RNF217: variants seen among roughly 807,000 people sequenced by gnomAD.
RNF217 encodes the protein ring finger protein 217, also known as E3 ubiquitin-protein ligase RNF217.
A neutral mutation model predicts 57.8 loss-of-function variants in RNF217; 31 were observed. The observed-to-expected ratio is 0.54, with a 90% confidence interval of 0.40 to 0.72. The LOEUF (loss-of-function observed/expected upper bound fraction) is 0.72. Ranked by LOEUF, RNF217 falls within the 30% of genes least tolerant of loss-of-function variation. RNF217 has a pLI of 0.00. For missense variants in RNF217, 696 were observed against 708.3 expected (o/e 0.98, Z 0.20); for synonymous variants, 313 against 294.0 (o/e 1.06, Z -0.66).
rs79052351 is a variant in RNF217 at position 125,009,987 on chromosome 6, T to C, written c.883-35224T>C. Reference sequence around the variant, plus strand: ...TGAATTGAAGACAGCTTAGCATTCTTTTTTTTTTTTTTTTACTAAATCTGA... The same window carrying C: ...TGAATTGAAGACAGCTTAGCATTCTCTTTTTTTTTTTTTTACTAAATCTGA... On this transcript the variant is annotated intron_variant, in intron 1 of 5. Transcript: ENST00000521654. 9.9e-4 allele frequency among the ~76,000 whole-genome samples: 25 copies of C among 25,246 alleles called. No homozygotes were observed. The African/African-American group carries it at 0.015, about 15-fold the overall frequency. 16.6% of individuals were successfully genotyped at this position (25,246 alleles called of 152,430 possible).
intron 5 of RNF217, chr6:125,082,561 A>C: frequency 1.2e-6 from 2 of 1,611,848 alleles, no homozygotes; most frequent in South Asian, 2.2e-5. Context: ...GCCTGAAACA[A>C]GTGTGAGTAT....
rs559458232 is a variant in RNF217, at chr6:125,048,929, C to T, written c.1116+3485C>T. Among the ~76,000 whole-genome samples the T allele has an allele frequency of 2.1e-4, 32 of 152,060 alleles. 1 individual carries two copies. In the East Asian group the frequency reaches 4.7e-3, roughly 22 times the overall value. ...CTATATCAAATAGAACAAGTGCATT[C>T]GTGAATTGAGAGATTTACATTCAGA... On this transcript the variant is annotated intron_variant, in intron 2 of 5. Coordinates refer to ENST00000521654, the MANE Select transcript of RNF217 (RefSeq NM_001286398.3).
chr6:125,023,381 T>G (rs1785923961), intron 1 of RNF217, among the ~76,000 whole-genome samples: 1 of 152,158 alleles, frequency 6.6e-6, no homozygotes. Context: ...CACAAGGGCA[T>G]TATTGAAGTA....
At chr6:124,977,128 C>T (rs552160019) in intron 1 of RNF217, among the ~76,000 whole-genome samples, 2 of 152,278 alleles carry the variant, frequency 1.3e-5, no homozygotes, top group Non-Finnish European at 2.9e-5. Flanking sequence ...AAATGAAGAG[C>T]TTCAGAGGGA....
rs1788698795 is a variant in RNF217, at chr6:125,084,167, T to G, written c.*1230T>G. Reference sequence around the variant, plus strand: ...ATACTAGTTTTGAAGGATTTTTTCTTACATTTAACTGCTCAAACATAATAT... The same window carrying G: ...ATACTAGTTTTGAAGGATTTTTTCTGACATTTAACTGCTCAAACATAATAT... On this transcript the variant is annotated 3_prime_UTR_variant, in exon 6 of 6. Coordinates refer to ENST00000521654, the MANE Select transcript of RNF217 (RefSeq NM_001286398.3). The G allele has an allele frequency of 6.6e-6, 1 of 152,022 alleles. No individual in the cohort carries two copies. Among genetic ancestry groups the G allele is most frequent in the African/African-American group, 2.4e-5 (1 of 41,436 alleles). 9.4% of individuals were successfully genotyped at this position (152,022 alleles called of 1,614,324 possible).
chr6:125,029,687 T>A (rs1786266292), intron 1 of RNF217, among the ~76,000 whole-genome samples: 1 of 152,210 alleles, frequency 6.6e-6, no homozygotes, highest in Admixed American at 6.5e-5. Context: ...GTGCATTTTT[T>A]AAAGTGTCAA....
chr6:125,025,330 A>G (rs775956154), intron 1 of RNF217, among the ~76,000 whole-genome samples: 1 of 152,204 alleles, frequency 6.6e-6, no homozygotes, highest in East Asian at 1.9e-4. Context: ...TGGACAGATG[A>G]TAAGGACTGG....
intron 1 of RNF217, among the ~76,000 whole-genome samples, chr6:125,013,687 T>C (rs1203184879): frequency 2.0e-5 from 3 of 152,124 alleles, no homozygotes; most frequent in South Asian, 2.1e-4. Flanking sequence ...AGAAAATGGA[T>C]ATATAATACC....
rs1788685716 is a variant in RNF217, at chr6:125,083,733, C to T, written c.*796C>T. The stretch of plus-strand genomic sequence containing the variant: ...ATGTAGACAACAGGCCATTTCGATA[C>T]TGAACTTTTCTATTTCTTGCTCTTT... On this transcript the variant is annotated 3_prime_UTR_variant, in exon 6 of 6. Coordinates refer to ENST00000521654, the MANE Select transcript of RNF217 (RefSeq NM_001286398.3). The T allele has an allele frequency of 6.6e-6, 1 of 151,996 alleles. No individual in the cohort carries two copies. The highest frequency in any genetic ancestry group is 2.4e-5 in the African/African-American group (1 of 41,418). The allele number at this position is 151,996 out of a possible 1,614,324, so 9.4% of individuals were successfully genotyped here.
At chr6:125,053,092 C>A (rs1787389328) in intron 2 of RNF217, among the ~76,000 whole-genome samples, 1 of 152,204 alleles carries the variant, frequency 6.6e-6, no homozygotes, top group South Asian at 2.1e-4. Flanking sequence ...CAAAGTGTTA[C>A]CTCATCACTT....
At chr6:125,018,510 G>T (rs555813522) in intron 1 of RNF217, among the ~76,000 whole-genome samples, 1 of 152,120 alleles carries the variant, frequency 6.6e-6, no homozygotes, top group African/African-American at 2.4e-5. Flanking sequence ...TATAAAACTT[G>T]AGCTTTAACT....
rs564024233 is a variant in RNF217, at chr6:125,077,347, T to C, written c.1483+489T>C. On this transcript the variant is annotated intron_variant, in intron 4 of 5. Transcript: ENST00000521654. ...GTCTATATAAGTGATAAGTTGCATA[T>C]ATTTTTCATTGTTTTAATTATTAAT... is the stretch of plus-strand genomic sequence containing the variant. 1.5e-3 allele frequency among the ~76,000 whole-genome samples: 227 copies of C among 152,328 alleles called. 1 individual carries two copies. Among genetic ancestry groups the C allele is most frequent in the African/African-American group, 5.2e-3 (217 of 41,584 alleles).
At chr6:125,061,734 T>A (rs932810244) in intron 3 of RNF217, among the ~76,000 whole-genome samples, 1 of 151,840 alleles carries the variant, frequency 6.6e-6, no homozygotes, top group Non-Finnish European at 1.5e-5. Context: ...CACAAGCACA[T>A]ATGTCGTATG....
chr6:124,976,697 G>T (rs1453717950), intron 1 of RNF217, among the ~76,000 whole-genome samples: 1 of 151,856 alleles, frequency 6.6e-6, no homozygotes, highest in African/African-American at 2.4e-5. Flanking sequence ...TAGAGATGGG[G>T]TTTCACCATG....
rs530900953 is a variant in RNF217 at position 125,037,976 on chromosome 6, C to T, written c.883-7235C>T. On this transcript the variant is annotated intron_variant, in intron 1 of 5. Coordinates refer to ENST00000521654, the MANE Select transcript of RNF217 (RefSeq NM_001286398.3). ...GAGGCCTGAGATTTGTACTTTTTCC[C>T]GTCCTTTTCTTTGGAGAGTTTAATT... 4.5e-4 allele frequency among the ~76,000 whole-genome samples: 68 copies of T among 152,126 alleles called. 1 individual carries two copies. In the South Asian group the frequency reaches 0.013, roughly 29 times the overall value.
chr6:125,030,935 G>A (rs529203008), intron 1 of RNF217, among the ~76,000 whole-genome samples: 52 of 152,340 alleles, frequency 3.4e-4, no homozygotes, highest in African/African-American at 1.2e-3. Flanking sequence ...TGCCCCTGCA[G>A]CACACTTTTG....
chr6:124,988,371 C>T (rs1477548278), intron 1 of RNF217, among the ~76,000 whole-genome samples: 1 of 152,184 alleles, frequency 6.6e-6, no homozygotes, highest in African/African-American at 2.4e-5. Context: ...TTTACGACTG[C>T]TAACTCATCA....
intron 1 of RNF217, among the ~76,000 whole-genome samples, chr6:124,987,991 C>G (rs1784419782): frequency 6.6e-6 from 1 of 152,144 alleles, no homozygotes; most frequent in African/African-American, 2.4e-5. Flanking sequence ...GGATCAATCC[C>G]CGGACTGTTA....
chr6:125,020,536 C>T (rs1785796499), intron 1 of RNF217, among the ~76,000 whole-genome samples: 2 of 151,796 alleles, frequency 1.3e-5, no homozygotes, highest in African/African-American at 4.8e-5. Context: ...AACCATGATT[C>T]ATGGATGTGA....
Sources: allele counts gnomAD v4.1 joint callset (sites outside exome capture counted in the v4.1 genomes callset), GRCh38; gene constraint gnomAD v4.1.1; transcripts MANE v1.5; gene names NCBI Gene and HGNC (gene_info 2026-07-23, HGNC 2026-07-21).